WTAP: variants seen among roughly 807,000 people sequenced by gnomAD.
The protein encoded by WTAP is WT1 associated protein.
A neutral mutation model predicts 50.0 loss-of-function variants in WTAP; 8 were observed. The observed-to-expected ratio is 0.16, with a 90% confidence interval of 0.09 to 0.29. WTAP has a LOEUF of 0.29. WTAP is among the 10% of genes least tolerant of loss of function. The pLI is 1.00. For missense variants in WTAP, 295 were observed against 470.7 expected (o/e 0.63, Z 3.45); for synonymous variants, 194 against 169.0 (o/e 1.15, Z -1.15).
chr6:159,726,751 G>T, upstream of WTAP: 1 of 1,284,960 alleles, frequency 7.8e-7, no homozygotes, highest in Non-Finnish European at 1.0e-6. Flanking sequence ...TCCTCGATGC[G>T]TCTCCAGAGA....
rs976354678 is a variant in WTAP at position 159,739,023 on chromosome 6, G to T, written c.64G>T (p.Ala22Ser). Residue 22 changes from alanine to serine, a missense_variant, in exon 3 of 8, where the codon GCA (alanine) becomes TCA (serine). This residue lies in a region of WTAP where 120 missense variants were observed against 287.6 expected (regional missense o/e 0.42). Coordinates refer to ENST00000621533, the MANE Select transcript of WTAP (RefSeq NM_001270531.2). ...GAGTGAAACAGACTTCAAAGTTATG[G>T]CAAGAGATGAGTTAATTCTAAGGTA... is the stretch of plus-strand genomic sequence containing the variant. Reference protein sequence around the residue: ...RLSETDFKVMARDELILRWKQ... With the variant: ...RLSETDFKVMSRDELILRWKQ... 4 of 1,611,462 alleles carry T rather than the reference G, an allele frequency of 2.5e-6. No homozygotes were observed. Among genetic ancestry groups the T allele is most frequent in the African/African-American group, 1.3e-5 (1 of 74,768 alleles).
At chr6:159,751,450 A>G (rs1779817208) in intron 6 of WTAP, among the ~76,000 whole-genome samples, 1 of 152,236 alleles carries the variant, frequency 6.6e-6, no homozygotes, top group Admixed American at 6.5e-5. Context: ...CATAGGCAGT[A>G]AAGTGGAAGG....
intron 1 of WTAP, among the ~76,000 whole-genome samples, chr6:159,731,133 T>C (rs911371150): frequency 6.6e-6 from 1 of 151,412 alleles, no homozygotes; most frequent in Non-Finnish European, 1.5e-5. Flanking sequence ...AGAGAGAGAC[T>C]ACGTCTCAAA....
chr6:159,753,397 A>G, intron 6 of WTAP, 63 bp from the exon 7 acceptor site: 2 of 1,608,962 alleles, frequency 1.2e-6, no homozygotes, highest in Non-Finnish European at 1.7e-6. Context: ...TCACTGTAAT[A>G]ATTGTAAGCA....
chr6:159,731,130 G>T (rs1359047796), intron 1 of WTAP, among the ~76,000 whole-genome samples: 1 of 151,786 alleles, frequency 6.6e-6, no homozygotes, highest in Non-Finnish European at 1.5e-5. Context: ...AACAGAGAGA[G>T]ACTACGTCTC....
At chr6:159,732,718 G>A (rs1420295793) in intron 1 of WTAP, among the ~76,000 whole-genome samples, 1 of 152,074 alleles carries the variant, frequency 6.6e-6, no homozygotes, top group Non-Finnish European at 1.5e-5. Flanking sequence ...CAGCTACTCT[G>A]GAGGCTGAGG....
At chr6:159,752,775 A>G (rs2114956897) in intron 6 of WTAP, among the ~76,000 whole-genome samples, 1 of 152,176 alleles carries the variant, frequency 6.6e-6, no homozygotes, top group Non-Finnish European at 1.5e-5. Flanking sequence ...CTTTTTTGAG[A>G]CAGGGTCCCT....
chr6:159,743,890 G>T, intron 5 of WTAP, 98 bp downstream of exon 5: 1 of 1,285,560 alleles, frequency 7.8e-7, no homozygotes, highest in Non-Finnish European at 1.0e-6. Context: ...CTAAATATAA[G>T]AGCTTATCTT....
chr6:159,753,677 A>T (rs181373704), intron 7 of WTAP, 63 bp downstream of exon 7: 1 of 1,529,700 alleles, frequency 6.5e-7, no homozygotes, highest in Non-Finnish European at 8.8e-7. Context: ...TAAAACTGCC[A>T]GTCATGAATA....
chr6:159,753,440 G>T lies in WTAP; in HGVS notation c.453-20G>T, dbSNP rs1353433571. On this transcript the variant is annotated intron_variant, in intron 6 of 7. Transcript: ENST00000621533. ...AGAGTTTTGTCTTCATTTTGTGATGGATGGCTCTTTCCTTTGCAGCCAAAC... is the reference window on the plus strand; with the variant it reads ...AGAGTTTTGTCTTCATTTTGTGATGTATGGCTCTTTCCTTTGCAGCCAAAC... 1.2e-6 allele frequency: 2 copies of T among 1,614,012 alleles called. No homozygotes were observed. The highest frequency in any genetic ancestry group is 1.7e-6 in the Non-Finnish European group (2 of 1,180,000).
At chr6:159,741,795 C>T (rs1779270959) in intron 3 of WTAP, 1 of 234,386 alleles carries the variant, frequency 4.3e-6, no homozygotes, top group Non-Finnish European at 8.4e-6. Flanking sequence ...CAAGACCAGC[C>T]TGGGCAACGT....
chr6:159,753,751 G>A (rs1779903012), intron 7 of WTAP, 137 bp downstream of exon 7: 2 of 1,118,826 alleles, frequency 1.8e-6, no homozygotes, highest in South Asian at 4.3e-5. Flanking sequence ...TGTGAGTGAA[G>A]CATTTTTAGT....
chr6:159,731,024 C>T (rs1376513096), intron 1 of WTAP: 1 of 152,174 alleles, frequency 6.6e-6, no homozygotes, highest in Non-Finnish European at 1.5e-5. Flanking sequence ...GCCTGTAGTT[C>T]CAGCTCCTTG....
At chr6:159,741,439 C>T (rs943194894) in intron 3 of WTAP, among the ~76,000 whole-genome samples, 2 of 152,138 alleles carry the variant, frequency 1.3e-5, no homozygotes, top group Admixed American at 1.3e-4. Flanking sequence ...TTCAATTCTA[C>T]ATAATGAGGC....
At position 159,736,257 on chromosome 6, in the gene WTAP, G is replaced by T; in HGVS notation, c.-8-1G>T. 1.3e-6 allele frequency: 2 copies of T among 1,590,268 alleles called. No individual in the cohort carries two copies. The highest frequency in any genetic ancestry group is 1.7e-6 in the Non-Finnish European group (2 of 1,168,972). ...TTGTTTTCCGCAACTTTTTTTTTTA[G>T]GATTCAAGATGACCAACGAAGAACC... On this transcript the variant is annotated splice_acceptor_variant, in intron 1 of 7. Coordinates refer to ENST00000621533, the MANE Select transcript of WTAP (RefSeq NM_001270531.2). LOFTEE classifies it low-confidence loss of function (5UTR_SPLICE).
chr6:159,745,138 T>G (rs1403061936), intron 5 of WTAP: 1 of 152,244 alleles, frequency 6.6e-6, no homozygotes, highest in East Asian at 1.9e-4. Flanking sequence ...ACCTTTAGAC[T>G]GCTAGCACTT....
upstream of WTAP, chr6:159,727,469 TGCGGCGGGGCGGGGCCGG>T (rs1043701181): frequency 6.1e-5 from 58 of 956,724 alleles, no homozygotes; most frequent in East Asian, 1.4e-3. Context: ...AGCGGAGCCG[TGCGGCGGGGCGGGGCCGG>T]GCGGCGGGGC....
chr6:159,734,931 A>T (rs1583071418), intron 1 of WTAP, among the ~76,000 whole-genome samples: 1 of 151,936 alleles, frequency 6.6e-6, no homozygotes, highest in Admixed American at 6.6e-5. Context: ...GTGGATTTGT[A>T]GTTTAATGAA....
rs371434728 is a variant in WTAP at position 159,734,448 on chromosome 6, T to C, written c.-8-1810T>C. On this transcript the variant is annotated intron_variant, in intron 1 of 7. Transcript: ENST00000621533. ...ATTTCTAGTAGTTTAGAATTTATAATAAGTATGGGTAATTAAAATAAACCA... is the reference window on the plus strand; with the variant it reads ...ATTTCTAGTAGTTTAGAATTTATAACAAGTATGGGTAATTAAAATAAACCA... Among the ~76,000 whole-genome samples the C allele has an allele frequency of 5.9e-5, 9 of 151,868 alleles. No homozygotes were observed. The South Asian group carries it at 1.0e-3, about 18-fold the overall frequency.
Sources: gnomAD v4.1 joint callset for allele counts (sites outside exome capture counted in the v4.1 genomes callset) on GRCh38, gnomAD v4.1.1 for gene constraint, gnomAD v4.1.1 regional missense constraint, MANE v1.5 for transcripts, NCBI Gene and HGNC (gene_info 2026-07-23, HGNC 2026-07-21) for gene names.